The following C5 variants were observed in gnomAD, a reference collection of about 807,000 sequenced individuals.
C5 encodes complement C5, also known as C3 and PZP-like alpha-2-macroglobulin domain-containing protein 4.
Under a neutral mutation model 218.8 loss-of-function variants are expected in C5, and 140 were observed. The observed-to-expected ratio is 0.64, with a 90% CI of 0.56 to 0.74. The LOEUF (loss-of-function observed/expected upper bound fraction) is 0.74, where lower values mean the gene tolerates loss of function less well. C5 is among the 30% of genes least tolerant of loss of function. The pLI is 0.00. For synonymous variants in C5, 614 were observed against 682.3 expected (o/e 0.90, Z 1.56); for missense variants, 1,700 against 1,969.6 (o/e 0.86, Z 2.59).
chr9:121,074,214 T>C, the C5 span, among the ~76,000 whole-genome samples: 1 of 149,936 alleles, frequency 6.7e-6, no homozygotes, highest in Non-Finnish European at 1.5e-5. Flanking sequence ...GCGTCAATGG[T>C]GATAACACTT....
chr9:120,967,144 C>A (rs1254339731), intron 33 of C5, among the ~76,000 whole-genome samples: 1 of 151,600 alleles, frequency 6.6e-6, no homozygotes, highest in African/African-American at 2.4e-5. Flanking sequence ...CCTGTAATCC[C>A]AGCTACTCGG....
At chr9:121,019,931 T>C in intron 12 of C5, 45 bp downstream of exon 12, 1 of 1,257,654 alleles carries the variant, frequency 8.0e-7, no homozygotes, top group Non-Finnish European at 1.2e-6. Flanking sequence ...AAGGAAAATG[T>C]TCCAGGTGGG....
chr9:120,991,645 A>C (rs1025276471), intron 22 of C5, among the ~76,000 whole-genome samples: 11 of 152,228 alleles, frequency 7.2e-5, no homozygotes, highest in Non-Finnish European at 1.6e-4. Flanking sequence ...AATCAACTAT[A>C]TATTGAACAT....
the C5 span, among the ~76,000 whole-genome samples, chr9:121,071,608 C>CT: frequency 1.3e-5 from 2 of 152,094 alleles, no homozygotes; most frequent in African/African-American, 4.8e-5. Context: ...TCACTTGAGT[C>CT]TGAGAAGTCA....
intron 17 of C5, among the ~76,000 whole-genome samples, chr9:121,012,895 G>GA (rs2047273422): frequency 6.6e-6 from 1 of 152,280 alleles, no homozygotes; most frequent in East Asian, 1.9e-4. Context: ...GAAAGGTACA[G>GA]AAAAAATACG....
chr9:120,987,735 G>A (rs2047044422), intron 25 of C5, among the ~76,000 whole-genome samples: 1 of 151,876 alleles, frequency 6.6e-6, no homozygotes, highest in Non-Finnish European at 1.5e-5. Flanking sequence ...AACCTACAAA[G>A]CAGCTGGCAC....
intron 2 of C5, among the ~76,000 whole-genome samples, chr9:121,045,853 T>A (rs1002138192): frequency 6.6e-5 from 10 of 152,148 alleles, no homozygotes; most frequent in Non-Finnish European, 1.5e-4. Context: ...GATAAAATCA[T>A]ACTCATATTT....
At chr9:120,977,813 C>T (rs1032493964) in intron 28 of C5, among the ~76,000 whole-genome samples, 9 of 152,188 alleles carry the variant, frequency 5.9e-5, no homozygotes, top group African/African-American at 2.2e-4. Context: ...TTGCACCCAG[C>T]TTCTAGTCTT....
chr9:121,030,605 A>G, intron 6 of C5, 118 bp from the exon 7 acceptor site: 1 of 618,958 alleles, frequency 1.6e-6, no homozygotes, highest in Non-Finnish European at 2.9e-6. Context: ...CACAACATCC[A>G]CTTTATTATC....
rs760559209 is a variant in C5, at chr9:121,027,277, G to A, written c.759-3C>T. 2 of 1,312,064 alleles carry A rather than the reference G, an allele frequency of 1.5e-6. No individual in the cohort carries two copies. Among genetic ancestry groups the A allele is most frequent in the Non-Finnish European group, 2.2e-6 (2 of 910,094 alleles). 81.3% of individuals were successfully genotyped at this position (1,312,064 alleles called of 1,614,324 possible). A position where few individuals can be genotyped will look rare whatever the true frequency, so the allele number is the denominator to read the frequency against. Reference sequence around the variant, plus strand: ...TGACTACTTTATTATAAAAATATCTGTCAGACAATAGCATAAAACTGTTTT... The same window carrying A: ...TGACTACTTTATTATAAAAATATCTATCAGACAATAGCATAAAACTGTTTT... On this transcript the variant is annotated splice_polypyrimidine_tract_variant and splice_region_variant and intron_variant, in intron 7 of 40. Transcript: ENST00000223642.
intron 38 of C5, among the ~76,000 whole-genome samples, chr9:120,957,759 C>T (rs936167262): frequency 6.6e-6 from 1 of 152,206 alleles, no homozygotes; most frequent in Non-Finnish European, 1.5e-5. Flanking sequence ...CAGAGGAGGC[C>T]TTATCTCTCA....
intron 17 of C5, among the ~76,000 whole-genome samples, chr9:121,009,273 AAC>A (rs1365765407): frequency 5.3e-5 from 8 of 152,266 alleles, no homozygotes; most frequent in African/African-American, 1.9e-4. Flanking sequence ...TATGCAAAAT[AAC>A]AGTTTTCAGA....
In C5 at chr9:121,030,435, G is replaced by C. The variant is rs1309764120; in HGVS notation, c.720C>G (p.Tyr240Ter). The C allele has an allele frequency of 6.5e-7, 1 of 1,540,858 alleles. No individual in the cohort carries two copies. The highest frequency in any genetic ancestry group is 8.8e-7 in the Non-Finnish European group (1 of 1,139,236). ...SIEPEYNFIG[Y>*]KNFKNFEITI... ...TAATTTCAAAATTCTTAAAGTTCTT[G>C]TAACCAATGAAATTATATTCTGGCT... The change falls in exon 7 of 41, where the codon TAC (tyrosine) becomes TAG (stop). Residue 240 changes from tyrosine (Y) to a stop codon, truncating the protein, a stop_gained. Coordinates refer to ENST00000223642, the MANE Select transcript of C5 (RefSeq NM_001735.3). LOFTEE classifies it high-confidence loss of function.
chr9:121,043,952 A>G (rs1230503273), intron 2 of C5, among the ~76,000 whole-genome samples: 1 of 152,082 alleles, frequency 6.6e-6, no homozygotes, highest in Non-Finnish European at 1.5e-5. Flanking sequence ...TTTACATTCA[A>G]TGATATGTAA....
At chr9:121,049,916 G>A (rs1564167720) in intron 1 of C5, among the ~76,000 whole-genome samples, 2 of 151,142 alleles carry the variant, frequency 1.3e-5, no homozygotes, top group South Asian at 4.2e-4. Context: ...ATTATCTGGA[G>A]TTTCTTTTGT....
intron 28 of C5, among the ~76,000 whole-genome samples, chr9:120,977,306 A>G (rs1472517556): frequency 2.6e-5 from 4 of 152,246 alleles, no homozygotes. Flanking sequence ...TATATGAAAC[A>G]TAAATGAATT....
intron 39 of C5, 51 bp downstream of exon 39, chr9:120,957,234 A>G (rs761630710): frequency 3.4e-6 from 4 of 1,173,536 alleles, no homozygotes; most frequent in Non-Finnish European, 5.1e-6. Flanking sequence ...GCACATAGTC[A>G]GTACTAAATA....
chr9:121,002,232 ATATATGTATATGTATATATATG>A (rs1359599049), intron 20 of C5, among the ~76,000 whole-genome samples: 38,478 of 117,602 alleles, frequency 0.33, 7,955 homozygotes, highest in South Asian at 0.57. Context: ...ATATATATGT[ATATATGTATATGTATATATATG>A]TATATATGTA....
chr9:120,956,769 T>C (rs1486344009), intron 39 of C5, among the ~76,000 whole-genome samples: 3 of 152,166 alleles, frequency 2.0e-5, no homozygotes, highest in African/African-American at 7.2e-5. Context: ...CTAAGTGAAT[T>C]AACACAGTAA....
Sources: allele counts gnomAD v4.1 joint callset (sites outside exome capture counted in the v4.1 genomes callset), GRCh38; gene constraint gnomAD v4.1.1; transcripts MANE v1.5; gene names NCBI Gene and HGNC (gene_info 2026-07-23, HGNC 2026-07-21).